Variants in TPTE observed in about 807,000 individuals in gnomAD.
TPTE encodes the protein putative tyrosine-protein phosphatase TPTE.
Under a neutral mutation model 84.1 loss-of-function variants are expected in TPTE, and 59 were observed. The observed-to-expected ratio is 0.70, with a 90% confidence interval of 0.57 to 0.87. TPTE has a LOEUF of 0.87. TPTE is among the 40% of genes least tolerant of loss of function. The probability of loss-of-function intolerance (pLI) is 0.00; values close to 1 mark genes in which losing one functional copy is unlikely to be tolerated. For synonymous variants in TPTE, 130 were observed against 223.5 expected (o/e 0.58, Z 3.73); for missense variants, 382 against 659.6 (o/e 0.58, Z 4.61).
chr21:10,558,130 C>T (rs574426081), intron 8 of TPTE, among the ~76,000 whole-genome samples: 4 of 152,420 alleles, frequency 2.6e-5, no homozygotes, highest in Non-Finnish European at 5.9e-5. Flanking sequence ...ATATATGTAC[C>T]ACATTTTCTT....
intron 3 of TPTE, among the ~76,000 whole-genome samples, chr21:10,532,397 C>T (rs1027091422): frequency 5.9e-5 from 9 of 152,416 alleles, no homozygotes; most frequent in African/African-American, 1.7e-4. Flanking sequence ...TCTGTTTGTT[C>T]TTGATTATTA....
intron 8 of TPTE, among the ~76,000 whole-genome samples, chr21:10,557,391 T>A (rs1332226591): frequency 6.6e-6 from 1 of 152,310 alleles, no homozygotes; most frequent in East Asian, 1.9e-4. Context: ...CAGGGTACAC[T>A]GAAACAGATT....
At chr21:10,559,798 G>A (rs371774946) in intron 9 of TPTE, among the ~76,000 whole-genome samples, 8 of 151,936 alleles carry the variant, frequency 5.3e-5, no homozygotes, top group East Asian at 1.9e-4. Context: ...CGCTTGAACC[G>A]AGGAGGCATA....
intron 17 of TPTE, among the ~76,000 whole-genome samples, chr21:10,579,088 C>A (rs2075222237): frequency 6.6e-6 from 1 of 152,308 alleles, no homozygotes; most frequent in African/African-American, 2.4e-5. Context: ...CATTACTCCA[C>A]ATATTTTTGT....
At position 10,545,678 on chromosome 21, in the gene TPTE, T is replaced by C. The variant is rs533965792; in HGVS notation, c.173+2296T>C. On this transcript the variant is annotated intron_variant, in intron 7 of 23. Transcript: ENST00000618007. ...TATAACACACATGTATATGTGTGTG[T>C]GTGTATATATACAGATATATCTTTT... Among the ~76,000 whole-genome samples, 14 of 152,318 alleles carry C rather than the reference T, an allele frequency of 9.2e-5. No individual in the cohort carries two copies. In the South Asian group the frequency reaches 2.9e-3, roughly 32 times the overall value.
intron 6 of TPTE, among the ~76,000 whole-genome samples, chr21:10,542,737 C>T (rs1687841809): frequency 6.6e-6 from 1 of 152,308 alleles, no homozygotes; most frequent in Admixed American, 6.5e-5. Context: ...CCTGCATGGC[C>T]ATAGAGATTT....
At chr21:10,528,509 A>G (rs1294346104) in intron 3 of TPTE, among the ~76,000 whole-genome samples, 1 of 152,308 alleles carries the variant, frequency 6.6e-6, no homozygotes, top group African/African-American at 2.4e-5. Flanking sequence ...TAAGTTGGTC[A>G]TATCACCGCT....
chr21:10,552,929 C>T (rs1431415782), intron 8 of TPTE, among the ~76,000 whole-genome samples: 3 of 152,298 alleles, frequency 2.0e-5, no homozygotes, highest in African/African-American at 7.2e-5. Flanking sequence ...AATAAATGTT[C>T]TTCTAGCTTG....
intron 3 of TPTE, among the ~76,000 whole-genome samples, chr21:10,538,189 G>C (rs2074302034): frequency 6.6e-6 from 1 of 152,306 alleles, no homozygotes; most frequent in Non-Finnish European, 1.5e-5. Flanking sequence ...TTTTGACCCT[G>C]CAGAACTCTG....
chr21:10,530,378 C>T (rs1395402854), intron 3 of TPTE, among the ~76,000 whole-genome samples: 5 of 152,306 alleles, frequency 3.3e-5, no homozygotes, highest in African/African-American at 1.2e-4. Context: ...ACAGTATATA[C>T]ATTTATATGT....
At chr21:10,522,152 C>T (rs1402471133) in intron 1 of TPTE, among the ~76,000 whole-genome samples, 78 of 152,340 alleles carry the variant, frequency 5.1e-4, no homozygotes, top group African/African-American at 1.4e-3. Context: ...TTGTCCCCCC[C>T]CAGGATGACC....
chr21:10,532,019 T>A (rs1278644175), intron 3 of TPTE, among the ~76,000 whole-genome samples: 1 of 152,312 alleles, frequency 6.6e-6, no homozygotes, highest in Non-Finnish European at 1.5e-5. Flanking sequence ...ACTTATGGCA[T>A]CCCTACACCT....
chr21:10,570,037 A>G (rs1172366769), intron 13 of TPTE, among the ~76,000 whole-genome samples: 23 of 152,290 alleles, frequency 1.5e-4, no homozygotes, highest in Non-Finnish European at 2.6e-4. Context: ...AGTCCCAGGG[A>G]TCCCATGGAG....
chr21:10,548,408 G>A (rs1287051033), intron 7 of TPTE, among the ~76,000 whole-genome samples: 1 of 152,310 alleles, frequency 6.6e-6, no homozygotes, highest in Non-Finnish European at 1.5e-5. Context: ...CTGGACCTAA[G>A]AAAGAGCTCC....
chr21:10,523,657 A>G (rs36179666), intron 1 of TPTE, among the ~76,000 whole-genome samples: 4 of 152,300 alleles, frequency 2.6e-5, no homozygotes, highest in Non-Finnish European at 4.4e-5. Context: ...ATAGTATTCC[A>G]TGGTGTATAT....
chr21:10,542,968 T>C (rs538227892), intron 6 of TPTE, among the ~76,000 whole-genome samples: 3 of 152,364 alleles, frequency 2.0e-5, no homozygotes, highest in African/African-American at 7.2e-5. Flanking sequence ...AAAGCTAATT[T>C]TCCAAAAAAG....
intron 4 of TPTE, among the ~76,000 whole-genome samples, chr21:10,539,002 C>A (rs569264656): frequency 6.6e-6 from 1 of 152,426 alleles, no homozygotes; most frequent in South Asian, 2.1e-4. Flanking sequence ...AATTCTTCTC[C>A]TAGTAGCCTT....
chr21:10,542,134 C>T (rs1364507446), intron 5 of TPTE, among the ~76,000 whole-genome samples: 1 of 152,306 alleles, frequency 6.6e-6, no homozygotes, highest in Non-Finnish European at 1.5e-5. Flanking sequence ...GTCTGTCACA[C>T]ATTGGGACTG....
chr21:10,555,808 A>G (rs541010518), intron 8 of TPTE, among the ~76,000 whole-genome samples: 1 of 152,428 alleles, frequency 6.6e-6, no homozygotes, highest in South Asian at 2.1e-4. Context: ...ATCAATGTTT[A>G]TATTTAAATG....
Sources: gnomAD v4.1 joint callset for allele counts (sites outside exome capture counted in the v4.1 genomes callset) on GRCh38, gnomAD v4.1.1 for gene constraint, MANE v1.5 for transcripts, NCBI Gene and HGNC (gene_info 2026-07-23, HGNC 2026-07-21) for gene names.